Variants in SPTBN1 observed in about 807,000 individuals in gnomAD.
SPTBN1 encodes spectrin beta, non-erythrocytic 1.
A neutral mutation model predicts 266.4 loss-of-function variants in SPTBN1; 32 were observed. The ratio of observed to expected loss-of-function variants is 0.12; its 90% CI spans 0.09 to 0.16. The LOEUF (loss-of-function observed/expected upper bound fraction) is 0.16. SPTBN1 is among the 10% of genes least tolerant of loss of function. The probability of loss-of-function intolerance (pLI) is 1.00; values close to 1 mark genes in which losing one functional copy is unlikely to be tolerated. For synonymous variants in SPTBN1, 1,336 were observed against 1,162.2 expected, an observed-to-expected ratio of 1.15 and a Z score of -3.04; for missense variants, 2,296 against 3,067.1, an observed-to-expected ratio of 0.75 and a Z score of 5.94.
At position 54,661,218 on chromosome 2, in the gene SPTBN1, T is replaced by G. The variant is rs1437568160; in HGVS notation, c.6420+1219T>G. Reference sequence around the variant, plus strand: ...GGCCACCAGCAGGAATTGAAAATGTTTTCACAAAAATCCTTTTCCTTAGAA... The same window carrying G: ...GGCCACCAGCAGGAATTGAAAATGTGTTCACAAAAATCCTTTTCCTTAGAA... On this transcript the variant is annotated intron_variant, in intron 32 of 35. Transcript: ENST00000356805. 4.1e-6 allele frequency: 4 copies of G among 985,670 alleles called. No homozygotes were observed. The African/African-American group carries it at 7.0e-5, about 17-fold the overall frequency. 61.1% of individuals were successfully genotyped at this position (985,670 alleles called of 1,614,324 possible). A position where few individuals can be genotyped will look rare whatever the true frequency, so the allele number is the denominator to read the frequency against.
chr2:54,511,088 CATACTT>C (rs1384151798), intron 1 of SPTBN1, among the ~76,000 whole-genome samples: 1 of 152,198 alleles, frequency 6.6e-6, no homozygotes, highest in Non-Finnish European at 1.5e-5. Flanking sequence ...ACATACTTAA[CATACTT>C]AACTTATGGC....
chr2:54,535,606 A>C (rs752976356), intron 2 of SPTBN1, among the ~76,000 whole-genome samples: 1 of 152,204 alleles, frequency 6.6e-6, no homozygotes, highest in Non-Finnish European at 1.5e-5. Context: ...CTCTTAGATA[A>C]GTAATAGTGG....
At chr2:54,511,736 G>A (rs1338892800) in intron 1 of SPTBN1, among the ~76,000 whole-genome samples, 1 of 151,868 alleles carries the variant, frequency 6.6e-6, no homozygotes, top group Non-Finnish European at 1.5e-5. Flanking sequence ...TGGTGGTGGC[G>A]CATGTCTGCA....
At chr2:54,574,009 A>G (rs1212596908) in intron 2 of SPTBN1, among the ~76,000 whole-genome samples, 1 of 152,146 alleles carries the variant, frequency 6.6e-6, no homozygotes, top group Non-Finnish European at 1.5e-5. Context: ...TATGGAAAAT[A>G]CAAACTCATA....
intron 2 of SPTBN1, chr2:54,528,465 G>C (rs1179501173): frequency 6.6e-6 from 1 of 152,532 alleles, no homozygotes; most frequent in Non-Finnish European, 1.5e-5. Context: ...CATAATAATA[G>C]CAAGCACTCA....
chr2:54,460,046 A>C (rs1693280236), intron 1 of SPTBN1, among the ~76,000 whole-genome samples: 1 of 152,228 alleles, frequency 6.6e-6, no homozygotes, highest in Non-Finnish European at 1.5e-5. Flanking sequence ...CATTTTCATA[A>C]TGTCCTTTGC....
At chr2:54,598,487 G>A (rs1676254760) in intron 2 of SPTBN1, among the ~76,000 whole-genome samples, 1 of 152,082 alleles carries the variant, frequency 6.6e-6, no homozygotes, top group African/African-American at 2.4e-5. Context: ...TTCATGGTGT[G>A]TGTGACTGAG....
Position 54,617,588 on chromosome 2 carries a change from T to C in SPTBN1, c.567-20T>C. 6.2e-7 allele frequency: 1 copy of C among 1,613,250 alleles called. No individual in the cohort carries two copies. ...ATGTGGTAATTGTGTTGCTTTTCCC[T>C]TCTGCTTTGTCCTTGGCAGGTACCC... is the stretch of plus-strand genomic sequence containing the variant. On this transcript the variant is annotated intron_variant, in intron 5 of 35. Coordinates refer to ENST00000356805, the MANE Select transcript of SPTBN1 (RefSeq NM_003128.3).
chr2:54,608,452 G>T (rs1460500337), intron 3 of SPTBN1, among the ~76,000 whole-genome samples: 1 of 152,152 alleles, frequency 6.6e-6, no homozygotes, highest in Non-Finnish European at 1.5e-5. Flanking sequence ...GTGTGATGAG[G>T]TGAAGAGATT....
At chr2:54,484,864 A>T (rs1668272733) in intron 1 of SPTBN1, among the ~76,000 whole-genome samples, 4 of 152,202 alleles carry the variant, frequency 2.6e-5, no homozygotes, top group Admixed American at 2.6e-4. Context: ...CAAGTTTGAT[A>T]AGAGTGTTCA....
chr2:54,630,716 G>A, intron 15 of SPTBN1, 139 bp from the exon 16 acceptor site: 5 of 1,060,254 alleles, frequency 4.7e-6, no homozygotes, highest in Non-Finnish European at 6.5e-6. Context: ...TGAGTGAGAT[G>A]ATTTTCCAAA....
intron 17 of SPTBN1, among the ~76,000 whole-genome samples, chr2:54,637,347 T>G (rs960148871): frequency 2.0e-5 from 3 of 152,238 alleles, no homozygotes; most frequent in Admixed American, 6.5e-5. Context: ...TGTCACCCAG[T>G]TATGAGCTTC....
chr2:54,657,384 G>A (rs993729294), intron 29 of SPTBN1, among the ~76,000 whole-genome samples: 6 of 152,216 alleles, frequency 3.9e-5, no homozygotes, highest in Admixed American at 6.5e-5. Context: ...AAGTGGGGCC[G>A]AGTGAACAGA....
Position 54,641,295 on chromosome 2 carries a change from G to GCTCT in SPTBN1, c.3859-1675_3859-1672dup, listed in dbSNP as rs146633488. Among the ~76,000 whole-genome samples the GCTCT allele has an allele frequency of 1.9e-3, 288 of 151,268 alleles. 2 individuals are homozygous for GCTCT. Among genetic ancestry groups the GCTCT allele is most frequent in the African/African-American group, 5.6e-3 (230 of 41,282 alleles). ...TAAGCCTCTGATTTTTATGTAGCGC[G>GCTCT]CTCTCTCTCTCTCTCTTTTTAATCC... is the stretch of plus-strand genomic sequence containing the variant. On this transcript the variant is annotated intron_variant, in intron 18 of 35. Coordinates refer to ENST00000356805, the MANE Select transcript of SPTBN1 (RefSeq NM_003128.3).
At chr2:54,623,440 T>C (rs1678124145) in intron 9 of SPTBN1, 39 bp from the exon 10 acceptor site, 1 of 1,589,886 alleles carries the variant, frequency 6.3e-7, no homozygotes, top group Admixed American at 1.7e-5. Flanking sequence ...GAAATTTTTT[T>C]TTCTCCAGTA....
At chr2:54,596,096 G>GC (rs1676070258) in intron 2 of SPTBN1, among the ~76,000 whole-genome samples, 1 of 152,114 alleles carries the variant, frequency 6.6e-6, no homozygotes, top group African/African-American at 2.4e-5. Flanking sequence ...GCCCTCTGCT[G>GC]CCCCAACACC....
chr2:54,497,818 C>T (rs1318795537), intron 1 of SPTBN1, among the ~76,000 whole-genome samples: 1 of 152,156 alleles, frequency 6.6e-6, no homozygotes, highest in Admixed American at 6.5e-5. Context: ...GGAAGGGCTA[C>T]CCTCTGGCTG....
chr2:54,472,764 T>C lies in SPTBN1; in HGVS notation c.-48+16246T>C, dbSNP rs138807733. 6.6e-5 allele frequency among the ~76,000 whole-genome samples: 10 copies of C among 152,288 alleles called. No individual in the cohort carries two copies. In the East Asian group the frequency reaches 1.3e-3, roughly 21 times the overall value. Reference sequence around the variant, plus strand: ...AGCCAGTTAGTTTGGGTGCTCTGAATATGACATTTTTAAAAATGCAGTATT... The same window carrying C: ...AGCCAGTTAGTTTGGGTGCTCTGAACATGACATTTTTAAAAATGCAGTATT... On this transcript the variant is annotated intron_variant, in intron 1 of 35. Coordinates refer to ENST00000356805, the MANE Select transcript of SPTBN1 (RefSeq NM_003128.3).
chr2:54,569,330 A>G (rs1044530718), intron 2 of SPTBN1, among the ~76,000 whole-genome samples: 1 of 152,154 alleles, frequency 6.6e-6, no homozygotes, highest in Non-Finnish European at 1.5e-5. Context: ...TTAATGGACT[A>G]AGTTAAATTT....
Sources: allele counts gnomAD v4.1 joint callset (sites outside exome capture counted in the v4.1 genomes callset), GRCh38; gene constraint gnomAD v4.1.1; transcripts MANE v1.5; gene names NCBI Gene and HGNC (gene_info 2026-07-23, HGNC 2026-07-21).